Variants in PTPRN2 observed in about 807,000 individuals in gnomAD.
PTPRN2 encodes protein tyrosine phosphatase receptor type N2.
Under a neutral mutation model 118.8 loss-of-function variants are expected in PTPRN2, and 74 were observed. The ratio of observed to expected loss-of-function variants is 0.62; its 90% CI spans 0.52 to 0.76. The LOEUF (loss-of-function observed/expected upper bound fraction) is 0.76. Ranked by LOEUF, PTPRN2 falls within the 30% of genes least tolerant of loss-of-function variation. The pLI, the probability that PTPRN2 is intolerant of heterozygous loss-of-function variation, is 0.00. For synonymous variants in PTPRN2, 641 were observed against 608.0 expected, an observed-to-expected ratio of 1.05 and a Z score of -0.80; for missense variants, 1,481 against 1,394.4, an observed-to-expected ratio of 1.06 and a Z score of -0.99.
chr7:158,097,957 G>A (rs530647220), intron 10 of PTPRN2, among the ~76,000 whole-genome samples: 2 of 152,288 alleles, frequency 1.3e-5, no homozygotes, highest in South Asian at 4.1e-4. Flanking sequence ...TGCTCTGACA[G>A]GCAGCACCGC....
Position 158,047,758 on chromosome 7 carries a change from C to G in PTPRN2, c.1723+33540G>C, listed in dbSNP as rs902492390. Among the ~76,000 whole-genome samples the G allele has an allele frequency of 2.0e-5, 3 of 152,220 alleles. No individual in the cohort carries two copies. In the East Asian group the frequency reaches 5.8e-4, roughly 29 times the overall value. On this transcript the variant is annotated intron_variant, in intron 11 of 22. Coordinates refer to ENST00000389418, the MANE Select transcript of PTPRN2 (RefSeq NM_002847.5). ...TGGTGCACTAGAAGCAGCTGAGGTC[C>G]ATTCTGCAAAGGAGAGCTGAGGCTG...
rs879257358 is a variant in PTPRN2, at chr7:157,905,811, G to A, written c.1724-7074C>T. Among the ~76,000 whole-genome samples the A allele has an allele frequency of 7.2e-5, 11 of 152,302 alleles. No individual in the cohort carries two copies. The East Asian group carries it at 1.7e-3, about 24-fold the overall frequency. Reference sequence around the variant, plus strand: ...GAGGGGAGGGAGAGCACCCAGGCCCGGGGTGAAGCTGTCACCTGGAGCCTG... The same window carrying A: ...GAGGGGAGGGAGAGCACCCAGGCCCAGGGTGAAGCTGTCACCTGGAGCCTG... On this transcript the variant is annotated intron_variant, in intron 11 of 22. Transcript: ENST00000389418.
intron 2 of PTPRN2, among the ~76,000 whole-genome samples, chr7:158,331,372 G>A (rs1426341551): frequency 2.1e-4 from 26 of 124,380 alleles, no homozygotes; most frequent in African/African-American, 6.3e-4. Context: ...GCTGACACCC[G>A]CAGAAGTCAC....
intron 1 of PTPRN2, among the ~76,000 whole-genome samples, chr7:158,507,043 G>C (rs972460706): frequency 2.0e-5 from 3 of 152,226 alleles, no homozygotes; most frequent in Non-Finnish European, 4.4e-5. Flanking sequence ...GAGGTTACTG[G>C]GGGGAATGGG....
Position 158,205,611 on chromosome 7 carries a change from C to T in PTPRN2, c.278-338G>A, listed in dbSNP as rs76837643. Among the ~76,000 whole-genome samples, 1,142 of 152,298 alleles carry T rather than the reference C, an allele frequency of 7.5e-3. 17 individuals are homozygous for T. The highest frequency in any genetic ancestry group is 0.026 in the African/African-American group (1,077 of 41,562). On this transcript the variant is annotated intron_variant, in intron 3 of 22. Transcript: ENST00000389418. ...GTCCGCACAGCAAAGCACCTTCATACGAACCAAATTTCAGGTGAGTGGTCA... is the reference window on the plus strand; with the variant it reads ...GTCCGCACAGCAAAGCACCTTCATATGAACCAAATTTCAGGTGAGTGGTCA...
At chr7:157,926,162 C>T (rs558035310) in intron 11 of PTPRN2, among the ~76,000 whole-genome samples, 1 of 151,048 alleles carries the variant, frequency 6.6e-6, no homozygotes, top group South Asian at 2.1e-4. Flanking sequence ...CTCCCTCTAT[C>T]TGTCCACTGA....
chr7:158,510,663 A>G (rs1307590659), intron 1 of PTPRN2, among the ~76,000 whole-genome samples: 1 of 152,232 alleles, frequency 6.6e-6, no homozygotes, highest in Non-Finnish European at 1.5e-5. Context: ...AAATTCTCCT[A>G]TTTGATAAAA....
intron 11 of PTPRN2, among the ~76,000 whole-genome samples, chr7:157,922,735 G>A (rs1000517678): frequency 5.9e-5 from 9 of 152,170 alleles, no homozygotes; most frequent in African/African-American, 1.9e-4. Context: ...TAGCAAGCTC[G>A]ATGTCACGGC....
chr7:158,581,493 C>T (rs1041817617), intron 1 of PTPRN2, among the ~76,000 whole-genome samples: 3 of 152,002 alleles, frequency 2.0e-5, no homozygotes, highest in Admixed American at 1.3e-4. Flanking sequence ...ATATGTAACA[C>T]AGTACACCAA....
intron 3 of PTPRN2, among the ~76,000 whole-genome samples, chr7:158,260,012 G>A (rs189429236): frequency 5.7e-4 from 86 of 151,590 alleles, no homozygotes; most frequent in Middle Eastern, 3.4e-3. Flanking sequence ...GTGTCCATGT[G>A]TCCCTGGTGT....
chr7:157,955,704 A>C (rs1801138768), intron 11 of PTPRN2, among the ~76,000 whole-genome samples: 1 of 152,188 alleles, frequency 6.6e-6, no homozygotes, highest in Admixed American at 6.5e-5. Flanking sequence ...AAGGAGGGCA[A>C]GGCGGCACCG....
At chr7:158,118,329 A>G (rs1220309263) in intron 9 of PTPRN2, among the ~76,000 whole-genome samples, 1 of 152,208 alleles carries the variant, frequency 6.6e-6, no homozygotes, top group East Asian at 1.9e-4. Context: ...TATAAATTTA[A>G]GTTAGTGTTG....
chr7:158,069,702 G>A (rs1300731712), intron 11 of PTPRN2, among the ~76,000 whole-genome samples: 1 of 152,206 alleles, frequency 6.6e-6, no homozygotes, highest in Non-Finnish European at 1.5e-5. Flanking sequence ...GAACACTACT[G>A]AAAAGAGAGT....
intron 3 of PTPRN2, among the ~76,000 whole-genome samples, chr7:158,224,175 A>C (rs1204228185): frequency 1.3e-5 from 2 of 152,104 alleles, no homozygotes; most frequent in African/African-American, 4.8e-5. Flanking sequence ...AATGATGTCA[A>C]CTCTCCCCAG....
chr7:158,033,689 T>TC (rs1258097186), intron 11 of PTPRN2, among the ~76,000 whole-genome samples: 2 of 152,114 alleles, frequency 1.3e-5, no homozygotes, highest in African/African-American at 4.8e-5. Flanking sequence ...CAGGTGAGCA[T>TC]CCCTGGTCAG....
At chr7:158,018,897 T>C (rs1019851206) in intron 11 of PTPRN2, among the ~76,000 whole-genome samples, 3 of 146,286 alleles carry the variant, frequency 2.1e-5, no homozygotes, top group African/African-American at 7.7e-5. Flanking sequence ...GGGGCAGAGG[T>C]TGCAGTGAGC....
intron 16 of PTPRN2, 129 bp from the exon 17 acceptor site, chr7:157,595,444 C>G: frequency 2.5e-6 from 2 of 807,360 alleles, no homozygotes; most frequent in Non-Finnish European, 4.0e-6. Context: ...CGTTAAGAAA[C>G]CCGGAGGTTA....
At chr7:158,154,341 G>A (rs4104) in intron 6 of PTPRN2, among the ~76,000 whole-genome samples, 93,502 of 152,090 alleles carry the variant, frequency 0.61, 29,826 homozygotes, top group East Asian at 0.79. Flanking sequence ...ACTCCCACTC[G>A]AATGGGTTGC....
rs1335837565 is a variant in PTPRN2 at position 157,987,157 on chromosome 7, G to A, written c.1724-88420C>T. Reference sequence around the variant, plus strand: ...CTGCCCCAGCACGCCGCCCACGCTTGGTCGGCAACACAGAGATTCCATTTC... The same window carrying A: ...CTGCCCCAGCACGCCGCCCACGCTTAGTCGGCAACACAGAGATTCCATTTC... On this transcript the variant is annotated intron_variant, in intron 11 of 22. Coordinates refer to ENST00000389418, the MANE Select transcript of PTPRN2 (RefSeq NM_002847.5). The surrounding 1 kb of genome is among the most constrained non-coding windows in gnomAD (Gnocchi z 4.3). 6.6e-6 allele frequency among the ~76,000 whole-genome samples: 1 copy of A among 152,144 alleles called. No homozygotes were observed.
Sources: allele counts gnomAD v4.1 joint callset (sites outside exome capture counted in the v4.1 genomes callset), GRCh38; gene constraint gnomAD v4.1.1; non-coding constraint Gnocchi (gnomAD v3.1); transcripts MANE v1.5; gene names NCBI Gene and HGNC (gene_info 2026-07-23, HGNC 2026-07-21).